Variants in MYBPC2 observed in about 807,000 individuals in gnomAD.
The protein encoded by MYBPC2 is myosin-binding protein C, fast-type.
MYBPC2 carries 122 observed loss-of-function variants against 137.0 expected under a neutral mutation model. The observed-to-expected ratio is 0.89, with a 90% CI of 0.77 to 1.03. MYBPC2 has a LOEUF of 1.03. Among genes scored for constraint, MYBPC2 ranks in the 50% least tolerant of loss-of-function variants. The pLI, the probability that MYBPC2 is intolerant of heterozygous loss-of-function variation, is 0.00. For synonymous variants in MYBPC2, 626 were observed against 612.3 expected (o/e 1.02, Z -0.33); for missense variants, 1,500 against 1,534.4 (o/e 0.98, Z 0.37).
intron 18 of MYBPC2, among the ~76,000 whole-genome samples, chr19:50,454,756 A>G (rs903453448): frequency 1.3e-5 from 2 of 151,972 alleles, no homozygotes; most frequent in Admixed American, 6.6e-5. Flanking sequence ...CAGAGCCCTT[A>G]GCATCCTCAG....
intron 16 of MYBPC2, among the ~76,000 whole-genome samples, chr19:50,452,669 C>CA (rs1234076625): frequency 6.6e-6 from 1 of 152,094 alleles, no homozygotes; most frequent in African/African-American, 2.4e-5. Flanking sequence ...GTGATCCTCC[C>CA]ACCTCAGCCT....
rs2039935538 is a variant in MYBPC2 at position 50,458,569 on chromosome 19, C to T, written c.2339-18C>T. On this transcript the variant is annotated intron_variant, in intron 20 of 27. Coordinates refer to ENST00000357701, the MANE Select transcript of MYBPC2 (RefSeq NM_004533.4). ...GGGAGGAGGGCACGAGATCCGCCAGCAGGGCCTCTCTCTCCAGCCGAGGAA... is the reference window on the plus strand; with the variant it reads ...GGGAGGAGGGCACGAGATCCGCCAGTAGGGCCTCTCTCTCCAGCCGAGGAA... 1.9e-6 allele frequency: 3 copies of T among 1,609,044 alleles called. No individual in the cohort carries two copies. Among genetic ancestry groups the T allele is most frequent in the East Asian group, 2.2e-5 (1 of 44,862 alleles).
At chr19:50,452,516 C>G (rs202097457) in intron 16 of MYBPC2, among the ~76,000 whole-genome samples, 56 of 84,212 alleles carry the variant, frequency 6.6e-4, no homozygotes, top group African/African-American at 1.8e-3. Flanking sequence ...ATGTATCTAT[C>G]TATCTATCTA....
chr19:50,456,096 C>T (rs949896699), intron 20 of MYBPC2, among the ~76,000 whole-genome samples: 3 of 150,558 alleles, frequency 2.0e-5, no homozygotes, highest in Admixed American at 6.6e-5. Flanking sequence ...ATCCATCCAT[C>T]CATCCATCCA....
In MYBPC2 at chr19:50,461,539, T is replaced by A; in HGVS notation, c.2932-3T>A. Reference sequence around the variant, plus strand: ...GCCTGGTCCCTCCCTGTCCCCACACTAGGAGTGGTTCAACGTCTATGAACG... The same window carrying A: ...GCCTGGTCCCTCCCTGTCCCCACACAAGGAGTGGTTCAACGTCTATGAACG... On this transcript the variant is annotated splice_region_variant and splice_polypyrimidine_tract_variant and intron_variant, in intron 24 of 27. Coordinates refer to ENST00000357701, the MANE Select transcript of MYBPC2 (RefSeq NM_004533.4). 6.2e-7 allele frequency: 1 copy of A among 1,612,796 alleles called. No homozygotes were observed. The highest frequency in any genetic ancestry group is 8.5e-7 in the Non-Finnish European group (1 of 1,179,482).
In MYBPC2 at chr19:50,460,052, C is replaced by G. The variant is rs371815012; in HGVS notation, c.2804C>G (p.Pro935Arg). The change falls in exon 24 of 28, where the codon CCC becomes CGC. Residue 935 changes from proline to arginine, a missense_variant. Physicochemically the swap from Pro to Arg is moderately radical, Grantham distance 103 (BLOSUM62 -2). Transcript: ENST00000357701. ...TCCCCATTTCCAGAAAAGGCTGGGC[C>G]CCCCATAAACGTGATGGTGAAGGAG... Reference protein sequence around the residue: ...IRIRVVEKAGPPINVMVKEVW... With the variant: ...IRIRVVEKAGRPINVMVKEVW... 9 of 1,553,088 alleles carry G rather than the reference C, an allele frequency of 5.8e-6. No individual in the cohort carries two copies. The highest frequency in any genetic ancestry group is 6.1e-6 in the Non-Finnish European group (7 of 1,148,286).
rs551646784 is a variant in MYBPC2 at position 50,460,050 on chromosome 19, GC to G, written c.2808del (p.Ile937Ter). Reference sequence around the variant, plus strand: ...CTTCCCCATTTCCAGAAAAGGCTGGGCCCCCCATAAACGTGATGGTGAAGGA... The same window carrying G: ...CTTCCCCATTTCCAGAAAAGGCTGGGCCCCCATAAACGTGATGGTGAAGGA... ...IRIRVVEKAG[P>X]PINVMVKEVW... On this transcript the variant is annotated frameshift_variant, in exon 24 of 28. Transcript: ENST00000357701. LOFTEE classifies it high-confidence loss of function. 2.4e-3 allele frequency: 3,680 copies of G among 1,553,436 alleles called. 6 individuals are homozygous for G. Among genetic ancestry groups the G allele is most frequent in the Admixed American group, 3.6e-3 (183 of 51,038 alleles).
Position 50,434,219 on chromosome 19 carries a change from T to C in MYBPC2, c.20-942T>C, listed in dbSNP as rs189622256. Among the ~76,000 whole-genome samples the C allele has an allele frequency of 1.2e-3, 185 of 151,958 alleles. 1 individual carries two copies. Among genetic ancestry groups the C allele is most frequent in the Non-Finnish European group, 2.4e-3 (160 of 67,966 alleles). ...CAAAAAATACTAAATTAGCTGGGCT[T>C]GTGGGGGTGTGCCTGTAGTCCCAGC... On this transcript the variant is annotated intron_variant, in intron 1 of 27. Coordinates refer to ENST00000357701, the MANE Select transcript of MYBPC2 (RefSeq NM_004533.4).
In MYBPC2 at chr19:50,435,712, C is replaced by T. The variant is rs189680911; in HGVS notation, c.110-64C>T. 1,091 of 1,353,560 alleles carry T rather than the reference C, an allele frequency of 8.1e-4. 2 individuals carry two copies. The highest frequency in any genetic ancestry group is 8.0e-4 in the Non-Finnish European group (792 of 986,288). The allele number at this position is 1,353,560 out of a possible 1,614,324, so 83.8% of individuals were successfully genotyped here. On this transcript the variant is annotated intron_variant, in intron 2 of 27. Transcript: ENST00000357701. The surrounding 1 kb of genome is among the most constrained non-coding windows in gnomAD (Gnocchi z 4.8). ...CTGTCTCTAAGTCCTTTCCCCAAAGCGGCCCACTGTCCCCTCCCCAGCCTA... is the reference window on the plus strand; with the variant it reads ...CTGTCTCTAAGTCCTTTCCCCAAAGTGGCCCACTGTCCCCTCCCCAGCCTA...
intron 18 of MYBPC2, 21 bp downstream of exon 18, chr19:50,454,390 G>T: frequency 7.0e-7 from 1 of 1,432,836 alleles, no homozygotes; most frequent in Non-Finnish European, 9.5e-7. Context: ...CTGTCCTCAT[G>T]ACCTCTGACC....
In MYBPC2 at chr19:50,459,158, G is replaced by A. The variant is rs766243246; in HGVS notation, c.2643G>A (p.Leu881=). Residue 881 remains leucine, a synonymous_variant, in exon 23 of 28, where the codon CTG becomes CTA. Transcript: ENST00000357701. ...TGTGGACCAAGGGCGGGGCCCCGCTGGACACCTCCCGCGTGCACGTGCGGA... is the reference window on the plus strand; with the variant it reads ...TGTGGACCAAGGGCGGGGCCCCGCTAGACACCTCCCGCGTGCACGTGCGGA... The part of the protein sequence containing the change: ...QVVWTKGGAP[L]DTSRVHVRTS... 1.4e-5 allele frequency: 22 copies of A among 1,599,350 alleles called. No homozygotes were observed. The highest frequency in any genetic ancestry group is 1.7e-5 in the Non-Finnish European group (20 of 1,175,102).
chr19:50,456,377 TATCC>T (rs55969422), intron 20 of MYBPC2, among the ~76,000 whole-genome samples: 91,734 of 139,484 alleles, frequency 0.66, 30,222 homozygotes, highest in African/African-American at 0.78. Context: ...TCCATCCATC[TATCC>T]ATCCATCCAT....
intron 12 of MYBPC2, among the ~76,000 whole-genome samples, chr19:50,447,862 A>C (rs745763617): frequency 3.9e-5 from 6 of 152,132 alleles, no homozygotes; most frequent in African/African-American, 4.8e-5. Flanking sequence ...CATCTCAAAA[A>C]AAAATAAATA....
In MYBPC2 at chr19:50,436,115, T is replaced by C; in HGVS notation, c.300T>C (p.Ser100=). 1 of 1,579,170 alleles carries C rather than the reference T, an allele frequency of 6.3e-7. No individual in the cohort carries two copies. Among genetic ancestry groups the C allele is most frequent in the Non-Finnish European group, 8.6e-7 (1 of 1,163,310 alleles). ...AGTGGCTGGAGCTGGGCAGCAAGAG[T>C]GGCGCCCGCTTCTCCTTCAAGGAGT... ...KGKWLELGSK[S]GARFSFKESH... The change falls in exon 4 of 28, where the codon AGT becomes AGC. Residue 100 remains serine (S), a synonymous_variant. Coordinates refer to ENST00000357701, the MANE Select transcript of MYBPC2 (RefSeq NM_004533.4).
intron 1 of MYBPC2, among the ~76,000 whole-genome samples, chr19:50,434,890 T>G (rs1179195047): frequency 1.3e-5 from 2 of 151,968 alleles, no homozygotes; most frequent in Non-Finnish European, 1.5e-5. Context: ...CCTGGGCGGA[T>G]GGGGCAGGGC....
chr19:50,437,548 G>T, intron 6 of MYBPC2, 27 bp downstream of exon 6: 1 of 1,605,894 alleles, frequency 6.2e-7, no homozygotes, highest in South Asian at 1.1e-5. Flanking sequence ...CCTTACCAGG[G>T]TCCCAAGGAC....
chr19:50,442,939 A>G (rs929329544), intron 9 of MYBPC2, among the ~76,000 whole-genome samples: 8 of 151,556 alleles, frequency 5.3e-5, no homozygotes, highest in Admixed American at 4.6e-4. Flanking sequence ...CAACACATCT[A>G]ATTTTTGGGG....
rs1349712923 is a variant in MYBPC2, at chr19:50,436,007, T to C, written c.197-5T>C. Reference sequence around the variant, plus strand: ...CCACTCTACCCTGTCACTCACCCCATGTAGGGAAGGACGCAGTGGTCGTGG... The same window carrying C: ...CCACTCTACCCTGTCACTCACCCCACGTAGGGAAGGACGCAGTGGTCGTGG... On this transcript the variant is annotated splice_polypyrimidine_tract_variant and splice_region_variant and intron_variant, in intron 3 of 27. Transcript: ENST00000357701. The C allele has an allele frequency of 2.5e-6, 4 of 1,575,508 alleles. No individual in the cohort carries two copies. Among genetic ancestry groups the C allele is most frequent in the Non-Finnish European group, 3.4e-6 (4 of 1,160,254 alleles).
At chr19:50,460,596 C>T (rs2039963156) in intron 24 of MYBPC2, among the ~76,000 whole-genome samples, 1 of 152,194 alleles carries the variant, frequency 6.6e-6, no homozygotes, top group Non-Finnish European at 1.5e-5. Flanking sequence ...ACATGGAATC[C>T]TAGCTATGTG....
Sources: allele counts gnomAD v4.1 joint callset (sites outside exome capture counted in the v4.1 genomes callset), GRCh38; gene constraint gnomAD v4.1.1; non-coding constraint Gnocchi (gnomAD v3.1); transcripts MANE v1.5; gene names NCBI Gene and HGNC (gene_info 2026-07-23, HGNC 2026-07-21).